The following ATP13A5 variants were observed in gnomAD, a reference collection of about 807,000 sequenced individuals.
ATP13A5 encodes probable cation-transporting ATPase 13A5.
A neutral mutation model predicts 150.2 loss-of-function variants in ATP13A5; 149 were observed. The ratio of observed to expected loss-of-function variants is 0.99; its 90% CI spans 0.87 to 1.14. The LOEUF (loss-of-function observed/expected upper bound fraction) is 1.14, where lower values mean the gene tolerates loss of function less well. ATP13A5 is among the 50% of genes most tolerant of loss of function. The pLI is 0.00. For missense variants in ATP13A5, 1,383 were observed against 1,449.3 expected, an observed-to-expected ratio of 0.95 and a Z score of 0.74; for synonymous variants, 497 against 522.2, an observed-to-expected ratio of 0.95 and a Z score of 0.66.
chr3:193,289,233 G>T (rs931267251), intron 26 of ATP13A5, among the ~76,000 whole-genome samples: 1 of 152,056 alleles, frequency 6.6e-6, no homozygotes, highest in Non-Finnish European at 1.5e-5. Flanking sequence ...AGCCATCGGC[G>T]CTATAGCCTA....
intron 25 of ATP13A5, among the ~76,000 whole-genome samples, chr3:193,297,928 A>C (rs1241231400): frequency 6.6e-6 from 1 of 152,158 alleles, no homozygotes. Context: ...CTATCTGTAC[A>C]CATTCTAAGG....
chr3:193,325,163 C>G, intron 13 of ATP13A5, 149 bp from the exon 14 acceptor site: 1 of 754,938 alleles, frequency 1.3e-6, no homozygotes, highest in East Asian at 2.7e-5. Context: ...AAAGTCCAAA[C>G]CCCTTAGCCT....
In ATP13A5 at chr3:193,331,211, T is replaced by G; in HGVS notation, c.1373A>C (p.Gln458Pro). ...GATTTTCTTTTTCTTCAGTCTCTTCTGAGCATACACGTTGCCTATGGTCAG... is the reference window on the plus strand; with the variant it reads ...GATTTTCTTTTTCTTCAGTCTCTTCGGAGCATACACGTTGCCTATGGTCAG... ...AALTIGNVYAQKRLKKKKIFC... is the reference protein window; with the variant it reads ...AALTIGNVYAPKRLKKKKIFC... Residue 458 changes from glutamine to proline, a missense_variant, in exon 12 of 30, where the codon CAG becomes CCG. Physicochemically the swap from Gln to Pro is moderately conservative, Grantham distance 76. This residue lies in a region of ATP13A5 where 787 missense variants were observed against 771.9 expected (regional missense o/e 1.02). Transcript: ENST00000342358. 6.2e-7 allele frequency: 1 copy of G among 1,614,142 alleles called. No homozygotes were observed. Among genetic ancestry groups the G allele is most frequent in the Non-Finnish European group, 8.5e-7 (1 of 1,179,962 alleles).
chr3:193,304,106 T>C (rs2108843043), intron 23 of ATP13A5, among the ~76,000 whole-genome samples: 1 of 152,190 alleles, frequency 6.6e-6, no homozygotes, highest in South Asian at 2.1e-4. Context: ...ACACTAGAGA[T>C]AGTAACCAAA....
chr3:193,319,623 C>A (rs538333079), intron 16 of ATP13A5, among the ~76,000 whole-genome samples: 1 of 152,192 alleles, frequency 6.6e-6, no homozygotes, highest in South Asian at 2.1e-4. Context: ...TGTTCAAGCA[C>A]GCAGTCTATG....
intron 7 of ATP13A5, among the ~76,000 whole-genome samples, chr3:193,349,742 A>G (rs1712490641): frequency 6.6e-6 from 1 of 152,178 alleles, no homozygotes; most frequent in South Asian, 2.1e-4. Flanking sequence ...GTAAATATCA[A>G]TATAACTCCA....
intron 29 of ATP13A5, among the ~76,000 whole-genome samples, chr3:193,275,685 G>T (rs1717163861): frequency 6.6e-6 from 1 of 152,156 alleles, no homozygotes; most frequent in South Asian, 2.1e-4. Context: ...CTAAGCGTTT[G>T]TTGAATAAAG....
At chr3:193,276,688 C>T (rs1347679875) in intron 29 of ATP13A5, 62 bp downstream of exon 29, 1 of 1,211,780 alleles carries the variant, frequency 8.3e-7, no homozygotes, top group Non-Finnish European at 1.2e-6. Context: ...AAATAAGCAC[C>T]TGCTGAAAAT....
intron 29 of ATP13A5, among the ~76,000 whole-genome samples, chr3:193,275,645 G>T (rs183321578): frequency 8.5e-4 from 129 of 152,302 alleles, no homozygotes; most frequent in Non-Finnish European, 1.2e-3. Context: ...CATTAGCCTT[G>T]CTACCTGCCA....
At chr3:193,346,401 A>T (rs1285371465) in intron 7 of ATP13A5, among the ~76,000 whole-genome samples, 1 of 152,110 alleles carries the variant, frequency 6.6e-6, no homozygotes, top group East Asian at 1.9e-4. Context: ...GTGAGAGATG[A>T]TTTCATCCAT....
At chr3:193,278,551 C>G (rs6769517) in intron 28 of ATP13A5, among the ~76,000 whole-genome samples, 136,177 of 152,218 alleles carry the variant, frequency 0.89, 61,142 homozygotes, top group East Asian at 0.98. Flanking sequence ...TAAAACAAAA[C>G]CTCTTTCAGT....
Position 193,333,803 on chromosome 3 carries a change from A to T in ATP13A5, c.1219T>A (p.Cys407Ser). ...TAGAAAAAACCCATGACACCAAGGC[A>T]GGCCAGGAACACGATGAACTTGAAG... ...DAFKFIVFLA[C>S]LGVMGFFYAL... Residue 407 changes from cysteine (C) to serine (S), a missense_variant, in exon 11 of 30, where the codon TGC (cysteine) becomes AGC (serine). This residue lies in a region of ATP13A5 where 787 missense variants were observed against 771.9 expected (regional missense o/e 1.02). Coordinates refer to ENST00000342358, the MANE Select transcript of ATP13A5 (RefSeq NM_198505.4). The T allele has an allele frequency of 6.2e-7, 1 of 1,614,006 alleles. No homozygotes were observed. Among genetic ancestry groups the T allele is most frequent in the Non-Finnish European group, 8.5e-7 (1 of 1,179,902 alleles).
At chr3:193,349,489 A>G (rs987123704) in intron 7 of ATP13A5, among the ~76,000 whole-genome samples, 3 of 54,676 alleles carry the variant, frequency 5.5e-5, no homozygotes, top group Non-Finnish European at 7.6e-5. Context: ...AAAGGAAAGC[A>G]GAAATATATT....
intron 9 of ATP13A5, among the ~76,000 whole-genome samples, chr3:193,342,823 G>C (rs966905145): frequency 6.6e-6 from 1 of 152,172 alleles, no homozygotes; most frequent in Non-Finnish European, 1.5e-5. Context: ...CTGCTGGGAG[G>C]TGTGAGGCAG....
rs1711792835 is a variant in ATP13A5 at position 193,334,947 on chromosome 3, C to T, written c.1096G>A (p.Ala366Thr). ...CACTAACCTGTTTGCAAAACGACTG[C>T]TCGTACAGGCCCCTGCCCAGAGGGC... ...VKPSGQGPVR[A>T]VVLQTGYNTA... is the part of the protein sequence containing the mutation. The change falls in exon 10 of 30, where the codon GCA becomes ACA. Residue 366 changes from alanine (A) to threonine (T), a missense_variant. Coordinates refer to ENST00000342358, the MANE Select transcript of ATP13A5 (RefSeq NM_198505.4). 1.9e-6 allele frequency: 3 copies of T among 1,613,232 alleles called. No individual in the cohort carries two copies. Among genetic ancestry groups the T allele is most frequent in the Non-Finnish European group, 2.5e-6 (3 of 1,179,414 alleles).
At chr3:193,339,164 G>T (rs1035925688) in intron 9 of ATP13A5, among the ~76,000 whole-genome samples, 3 of 151,668 alleles carry the variant, frequency 2.0e-5, no homozygotes, top group African/African-American at 7.3e-5. Context: ...TATCAATTTT[G>T]TTGATCTTTT....
chr3:193,332,396 TCC>T (rs1711667796), intron 11 of ATP13A5, among the ~76,000 whole-genome samples: 1 of 152,122 alleles, frequency 6.6e-6, no homozygotes, highest in Non-Finnish European at 1.5e-5. Context: ...ACAGCAGGTC[TCC>T]AGAGGAGGCT....
chr3:193,325,726 C>T (rs1441547931), intron 13 of ATP13A5, among the ~76,000 whole-genome samples: 1 of 152,194 alleles, frequency 6.6e-6, no homozygotes, highest in African/African-American at 2.4e-5. Flanking sequence ...TCTTGAAGCA[C>T]CCTGGACATC....
In ATP13A5 at chr3:193,314,043, G is replaced by T. The variant is rs769813281; in HGVS notation, c.2309C>A (p.Pro770His). The change falls in exon 19 of 30, where the codon CCT becomes CAT. Residue 770 changes from proline (P) to histidine (H), a missense_variant. Pro to His is a moderately conservative substitution (Grantham distance 77, BLOSUM62 -2). Transcript: ENST00000342358. Reference sequence around the variant, plus strand: ...CTAACATTTGCTCACTTTCTTCCCAGGTCCAGTCTCTTGGTTCTCCACCAG... The same window carrying T: ...CTAACATTTGCTCACTTTCTTCCCATGTCCAGTCTCTTGGTTCTCCACCAG... ...WQLVENQETG[P>H]GKKEIYMHTG... The T allele has an allele frequency of 6.2e-7, 1 of 1,613,046 alleles. No homozygotes were observed. The highest frequency in any genetic ancestry group is 8.5e-7 in the Non-Finnish European group (1 of 1,179,818).
Sources: allele counts gnomAD v4.1 joint callset (sites outside exome capture counted in the v4.1 genomes callset), GRCh38; gene constraint gnomAD v4.1.1; regional missense constraint gnomAD v4.1.1; transcripts MANE v1.5; gene names NCBI Gene and HGNC (gene_info 2026-07-23, HGNC 2026-07-21).